The following MYO16 variants were observed in gnomAD, a reference collection of about 807,000 sequenced individuals.
The protein encoded by MYO16 is myosin XVI.
A neutral mutation model predicts 205.3 loss-of-function variants in MYO16; 94 were observed. That is an observed-to-expected ratio of 0.46 (90% CI 0.39 to 0.54). The LOEUF (loss-of-function observed/expected upper bound fraction) is 0.54. Among genes scored for constraint, MYO16 ranks in the 20% least tolerant of loss-of-function variants. MYO16 has a pLI of 0.00. For missense variants in MYO16, 2,315 were observed against 2,387.5 expected (o/e 0.97, Z 0.63); for synonymous variants, 988 against 954.0 (o/e 1.04, Z -0.66).
intron 31 of MYO16, among the ~76,000 whole-genome samples, chr13:109,132,056 A>G (rs963209176): frequency 6.6e-6 from 1 of 152,212 alleles, no homozygotes; most frequent in African/African-American, 2.4e-5. Context: ...TTACATGCAT[A>G]TAACTTTGTT....
At chr13:108,571,775 GAA>G in the MYO16 span, among the ~76,000 whole-genome samples, 2,078 of 138,118 alleles carry the variant, frequency 0.015, 48 homozygotes, top group African/African-American at 0.05. Context: ...TTCTATATTT[GAA>G]AAAAAAAAAA....
At chr13:108,920,919 G>A (rs1322866767) in intron 16 of MYO16, among the ~76,000 whole-genome samples, 1 of 152,220 alleles carries the variant, frequency 6.6e-6, no homozygotes, top group Non-Finnish European at 1.5e-5. Context: ...GTCACTGGAG[G>A]TGTGGCCCTC....
intron 21 of MYO16, among the ~76,000 whole-genome samples, chr13:108,997,287 A>G (rs1026096383): frequency 7.2e-6 from 1 of 137,974 alleles, no homozygotes; most frequent in African/African-American, 2.7e-5. Context: ...GAACAAGACC[A>G]TGCAGAAAGA....
intron 5 of MYO16, among the ~76,000 whole-genome samples, chr13:108,792,851 T>C (rs1026703792): frequency 3.3e-5 from 5 of 152,126 alleles, no homozygotes; most frequent in African/African-American, 7.2e-5. Context: ...AGATTGCTTT[T>C]AGGAGCAACT....
chr13:109,015,608 G>T (rs745945952), intron 22 of MYO16, among the ~76,000 whole-genome samples: 3 of 152,082 alleles, frequency 2.0e-5, no homozygotes, highest in Non-Finnish European at 4.4e-5. Flanking sequence ...TTTTTGGTTT[G>T]TAGGCTATTA....
intron 1 of MYO16, among the ~76,000 whole-genome samples, chr13:108,599,668 A>AG (rs11396707): frequency 1.1e-4 from 16 of 151,942 alleles, no homozygotes; most frequent in African/African-American, 3.9e-4. Context: ...ATTAAAAAAA[A>AG]TATCAAATGC....
chr13:108,771,445 C>T (rs1475637634), intron 4 of MYO16, among the ~76,000 whole-genome samples: 2 of 152,094 alleles, frequency 1.3e-5, no homozygotes, highest in African/African-American at 4.8e-5. Context: ...TTCCAGCATC[C>T]CCACCAGAGT....
chr13:108,937,464 G>A (rs949650195), intron 16 of MYO16, among the ~76,000 whole-genome samples: 19 of 151,954 alleles, frequency 1.3e-4, no homozygotes, highest in East Asian at 5.8e-4. Flanking sequence ...TATATTTTTC[G>A]ACTTGTTTAC....
the MYO16 span, among the ~76,000 whole-genome samples, chr13:108,570,093 T>C: frequency 2.6e-5 from 4 of 152,294 alleles, 1 homozygote; most frequent in Admixed American, 2.6e-4. Context: ...CATAGTATTA[T>C]TATGATCTCT....
the MYO16 span, among the ~76,000 whole-genome samples, chr13:108,570,833 G>A: frequency 2.6e-5 from 4 of 152,126 alleles, no homozygotes; most frequent in African/African-American, 7.2e-5. Flanking sequence ...CTCTTTGCTG[G>A]CCATGCTATG....
rs368582931 is a variant in MYO16 at position 108,785,677 on chromosome 13, C to G, written c.550C>G (p.Pro184Ala). The change falls in exon 5 of 35, where the codon CCA (proline) becomes GCA (alanine). Residue 184 changes from proline to alanine, a missense_variant. Pro to Ala is a conservative substitution (Grantham distance 27). Coordinates refer to ENST00000457511, the MANE Select transcript of MYO16 (RefSeq NM_001198950.3). ...TCTCCAGGATGTGAATGGAAATATCCCATTAGATTATGCTGTAGAAGGGAC... is the reference window on the plus strand; with the variant it reads ...TCTCCAGGATGTGAATGGAAATATCGCATTAGATTATGCTGTAGAAGGGAC... ...VLLQDVNGNI[P>A]LDYAVEGTES... The G allele has an allele frequency of 6.2e-7, 1 of 1,613,136 alleles. No homozygotes were observed. Among genetic ancestry groups the G allele is most frequent in the South Asian group, 1.1e-5 (1 of 90,904 alleles).
chr13:108,661,152 G>T (rs1218000552), intron 1 of MYO16, among the ~76,000 whole-genome samples: 1 of 152,134 alleles, frequency 6.6e-6, no homozygotes, highest in Non-Finnish European at 1.5e-5. Flanking sequence ...TGAGAAATCT[G>T]CTGTTAATCT....
intron 14 of MYO16, among the ~76,000 whole-genome samples, chr13:108,894,620 TCAAACA>T (rs1880326217): frequency 6.6e-6 from 1 of 152,170 alleles, no homozygotes; most frequent in Non-Finnish European, 1.5e-5. Flanking sequence ...TATATGCAGG[TCAAACA>T]CTTATTCTTA....
rs1180110195 is a variant in MYO16 at position 108,961,646 on chromosome 13, C to G, written c.2145C>G (p.Leu715=). ...GNSAFVSDLQ[L]LEQVAGMLQV... ...CCGCCTTCGTTTCTGACCTCCAGCT[C>G]CTGGAACAAGGTCAGTGGAACATGA... The change falls in exon 18 of 35, where the codon CTC becomes CTG. Residue 715 remains leucine (L), a synonymous_variant. Transcript: ENST00000457511. 14 of 1,612,240 alleles carry G rather than the reference C, an allele frequency of 8.7e-6. No individual in the cohort carries two copies. The highest frequency in any genetic ancestry group is 1.2e-5 in the Non-Finnish European group (14 of 1,178,428).
chr13:109,075,705 C>G (rs1246029435), intron 27 of MYO16, among the ~76,000 whole-genome samples: 1 of 152,058 alleles, frequency 6.6e-6, no homozygotes, highest in African/African-American at 2.4e-5. Context: ...ATTTGCCATC[C>G]TTACATCTTC....
At chr13:108,953,463 C>T (rs991855957) in intron 16 of MYO16, among the ~76,000 whole-genome samples, 10 of 152,050 alleles carry the variant, frequency 6.6e-5, no homozygotes, top group Admixed American at 4.6e-4. Context: ...TCTCATTTGT[C>T]ATTCACAAAA....
intron 23 of MYO16, 119 bp from the exon 24 acceptor site, chr13:109,046,797 G>C: frequency 1.3e-6 from 1 of 797,038 alleles, no homozygotes; most frequent in Non-Finnish European, 2.1e-6. Flanking sequence ...TGTAAGACCT[G>C]AAGACACTTC....
chr13:109,046,013 C>T (rs983094090), intron 23 of MYO16, among the ~76,000 whole-genome samples: 6 of 151,380 alleles, frequency 4.0e-5, no homozygotes, highest in Admixed American at 1.3e-4. Flanking sequence ...GGATGCTCGC[C>T]CTCCCTCATG....
At chr13:109,046,034 GCCCT>G (rs1281674479) in intron 23 of MYO16, among the ~76,000 whole-genome samples, 1 of 142,520 alleles carries the variant, frequency 7.0e-6, no homozygotes, top group East Asian at 2.0e-4. Context: ...GCGGATCCTC[GCCCT>G]CCCTCATGGC....
Sources: allele counts gnomAD v4.1 joint callset (sites outside exome capture counted in the v4.1 genomes callset), GRCh38; gene constraint gnomAD v4.1.1; transcripts MANE v1.5; gene names NCBI Gene and HGNC (gene_info 2026-07-23, HGNC 2026-07-21).